PKNOX1: variants seen among roughly 807,000 people sequenced by gnomAD.
PKNOX1 encodes the protein homeobox protein PKNOX1.
PKNOX1 carries 15 observed loss-of-function variants against 51.9 expected under a neutral mutation model. That is an observed-to-expected ratio of 0.29 (90% CI 0.19 to 0.45). The LOEUF (loss-of-function observed/expected upper bound fraction) is 0.45, where lower values mean the gene tolerates loss of function less well. PKNOX1 is among the 20% of genes least tolerant of loss of function. The pLI is 1.00. For synonymous variants in PKNOX1, 219 were observed against 211.1 expected, an observed-to-expected ratio of 1.04 and a Z score of -0.32; for missense variants, 462 against 547.5, an observed-to-expected ratio of 0.84 and a Z score of 1.56.
At chr21:43,029,424 G>GTTTTTTTTTTTTTTTTTTTTTGTTTGCT (rs1980138829) in intron 10 of PKNOX1, among the ~76,000 whole-genome samples, 1 of 63,304 alleles carries the variant, frequency 1.6e-5, no homozygotes, top group African/African-American at 6.5e-5. Flanking sequence ...TGTTTGCTTT[G>GTTTTTTTTTTTTTTTTTTTTTGTTTGCT]TTTTTTTTTT....
At chr21:43,016,640 A>G (rs966151231) in intron 5 of PKNOX1, among the ~76,000 whole-genome samples, 1 of 152,242 alleles carries the variant, frequency 6.6e-6, no homozygotes, top group African/African-American at 2.4e-5. Flanking sequence ...GGCACGTGGA[A>G]TATGGCAGTG....
chr21:42,990,208 G>A (rs1211313433), intron 1 of PKNOX1, among the ~76,000 whole-genome samples: 1 of 151,498 alleles, frequency 6.6e-6, no homozygotes, highest in East Asian at 1.9e-4. Context: ...GCAGTGAGCC[G>A]AGATCACACC....
intron 2 of PKNOX1, among the ~76,000 whole-genome samples, chr21:43,006,075 T>C (rs906253306): frequency 3.9e-5 from 6 of 152,260 alleles, no homozygotes; most frequent in Admixed American, 1.3e-4. Flanking sequence ...TTTTTTCAAA[T>C]ACTGAAATGA....
At chr21:43,009,118 A>C (rs1204069935) in intron 3 of PKNOX1, among the ~76,000 whole-genome samples, 1 of 152,278 alleles carries the variant, frequency 6.6e-6, no homozygotes, top group African/African-American at 2.4e-5. Context: ...AGATCGAGAC[A>C]AGCCTGGCCA....
intron 5 of PKNOX1, among the ~76,000 whole-genome samples, chr21:43,013,869 A>G (rs1301380688): frequency 1.3e-5 from 2 of 152,012 alleles, no homozygotes; most frequent in Non-Finnish European, 2.9e-5. Flanking sequence ...CGGAAGCACT[A>G]TTGTGTTTTA....
intron 1 of PKNOX1, among the ~76,000 whole-genome samples, chr21:42,975,033 CGCGCGCCCCGGCGCGGGGCGGGG>C (rs1223219319): frequency 5.5e-5 from 5 of 90,764 alleles, no homozygotes; most frequent in African/African-American, 2.2e-4. Context: ...CGGAGTGCGG[CGCGCGCCCCGGCGCGGGGCGGGG>C]GCGCGCGGAG....
At chr21:42,997,647 A>G (rs1978566645) in intron 1 of PKNOX1, among the ~76,000 whole-genome samples, 1 of 152,236 alleles carries the variant, frequency 6.6e-6, no homozygotes, top group South Asian at 2.1e-4. Context: ...CAACTGAAGT[A>G]CTGCGGAGCT....
intron 3 of PKNOX1, among the ~76,000 whole-genome samples, chr21:43,008,510 G>A (rs1160875120): frequency 1.3e-5 from 2 of 152,362 alleles, no homozygotes; most frequent in African/African-American, 4.8e-5. Context: ...AGGCGCAGTG[G>A]CTCACACCTG....
At chr21:42,978,258 G>T (rs955484407) in intron 1 of PKNOX1, among the ~76,000 whole-genome samples, 3 of 152,080 alleles carry the variant, frequency 2.0e-5, no homozygotes, top group Non-Finnish European at 4.4e-5. Flanking sequence ...GCCCGCCTTG[G>T]CCTCCCAAAG....
At chr21:42,982,812 CT>C (rs976012461) in intron 1 of PKNOX1, among the ~76,000 whole-genome samples, 4 of 151,032 alleles carry the variant, frequency 2.6e-5, no homozygotes, top group Non-Finnish European at 4.4e-5. Flanking sequence ...TTTGAGCATA[CT>C]TTTTTTTCCC....
intron 3 of PKNOX1, among the ~76,000 whole-genome samples, chr21:43,009,740 A>G (rs1297447880): frequency 6.6e-6 from 1 of 152,170 alleles, no homozygotes; most frequent in East Asian, 1.9e-4. Flanking sequence ...ATTTAGACAG[A>G]ATGTCTAGGA....
intron 8 of PKNOX1, 47 bp from the exon 9 acceptor site, chr21:43,024,824 C>T (rs766497858): frequency 8.1e-7 from 1 of 1,237,076 alleles, no homozygotes; most frequent in Non-Finnish European, 1.2e-6. Flanking sequence ...GTCTTGATTT[C>T]CTTTGTAAAC....
intron 7 of PKNOX1, among the ~76,000 whole-genome samples, chr21:43,018,514 A>C (rs866605551): frequency 6.3e-5 from 3 of 47,998 alleles, no homozygotes; most frequent in Non-Finnish European, 8.8e-5. Flanking sequence ...ACACACACAC[A>C]CACACACACA....
intron 2 of PKNOX1, among the ~76,000 whole-genome samples, chr21:43,006,397 A>G (rs531584799): frequency 5.3e-5 from 8 of 152,314 alleles, no homozygotes; most frequent in African/African-American, 1.9e-4. Flanking sequence ...AAGTGCTGGG[A>G]TCACAGGCAT....
intron 1 of PKNOX1, among the ~76,000 whole-genome samples, chr21:43,001,239 T>C (rs1978737913): frequency 6.6e-6 from 1 of 152,268 alleles, no homozygotes; most frequent in Non-Finnish European, 1.5e-5. Flanking sequence ...TTATCCGTTA[T>C]ACCAGGCTGC....
chr21:43,020,199 C>T (rs1470063426), intron 7 of PKNOX1, among the ~76,000 whole-genome samples: 1 of 152,230 alleles, frequency 6.6e-6, no homozygotes, highest in Non-Finnish European at 1.5e-5. Flanking sequence ...TCCCAAAGTA[C>T]TGGGATTACA....
At chr21:42,979,688 G>C (rs1349843106) in intron 1 of PKNOX1, among the ~76,000 whole-genome samples, 1 of 152,142 alleles carries the variant, frequency 6.6e-6, no homozygotes, top group East Asian at 1.9e-4. Context: ...CTTGCAGTGA[G>C]CCGAGATCGC....
chr21:42,987,404 A>AAAAAAAATATATATAT, intron 1 of PKNOX1, among the ~76,000 whole-genome samples: 33 of 41,400 alleles, frequency 8.0e-4, no homozygotes, highest in Non-Finnish European at 1.3e-3. Flanking sequence ...AAAAAAAAAA[A>AAAAAAAATATATATAT]ATATATATAT....
At position 43,003,369 on chromosome 21, in the gene PKNOX1, G is replaced by C. The variant is rs546264855; in HGVS notation, c.-56-957G>C. Among the ~76,000 whole-genome samples the C allele has an allele frequency of 7.9e-5, 12 of 152,270 alleles. No homozygotes were observed. The South Asian group carries it at 1.9e-3, about 24-fold the overall frequency. ...CTTCAGTGCGGAAGTGGCATTTTGC[G>C]GTTTTCTGTTGTCATGAAGCAAGTG... On this transcript the variant is annotated intron_variant, in intron 1 of 10. Coordinates refer to ENST00000291547, the MANE Select transcript of PKNOX1 (RefSeq NM_004571.5).
Sources: gnomAD v4.1 joint callset for allele counts (sites outside exome capture counted in the v4.1 genomes callset) on GRCh38, gnomAD v4.1.1 for gene constraint, MANE v1.5 for transcripts, NCBI Gene and HGNC (gene_info 2026-07-23, HGNC 2026-07-21) for gene names.